Variants in PPP4R1 observed in about 807,000 individuals in gnomAD.
The protein encoded by PPP4R1 is protein phosphatase 4 regulatory subunit 1, also known as serine/threonine-protein phosphatase 4 regulatory subunit 1.
Under a neutral mutation model 111.2 loss-of-function variants are expected in PPP4R1, and 42 were observed. The ratio of observed to expected loss-of-function variants is 0.38; its 90% confidence interval spans 0.29 to 0.49. The LOEUF is 0.49. Among genes scored for constraint, PPP4R1 ranks in the 20% least tolerant of loss-of-function variants. The probability of loss-of-function intolerance (pLI) is 0.97; values close to 1 mark genes in which losing one functional copy is unlikely to be tolerated. For missense variants in PPP4R1, 1,012 were observed against 1,161.6 expected (o/e 0.87, Z 1.87); for synonymous variants, 409 against 405.5 (o/e 1.01, Z -0.10).
chr18:9,590,216 G>A (rs1028669244), intron 4 of PPP4R1: 1 of 152,086 alleles, frequency 6.6e-6, no homozygotes, highest in African/African-American at 2.4e-5. Flanking sequence ...TGTCTACTAG[G>A]ATTTCAGATA....
intron 11 of PPP4R1, among the ~76,000 whole-genome samples, chr18:9,564,738 G>GT (rs67103985): frequency 0.25 from 3,067 of 12,470 alleles, 76 homozygotes; most frequent in East Asian, 0.41. Context: ...GTGTGTGTGT[G>GT]GGGGTATCAT....
intron 12 of PPP4R1, 66 bp downstream of exon 12, chr18:9,563,312 T>C: frequency 6.9e-7 from 1 of 1,459,630 alleles, no homozygotes; most frequent in South Asian, 1.3e-5. Context: ...GCTACAACTA[T>C]TCCCCAATGA....
Position 9,563,463 on chromosome 18 carries a change from A to C in PPP4R1, c.1661T>G (p.Leu554Trp). 2 of 1,608,486 alleles carry C rather than the reference A, an allele frequency of 1.2e-6. No individual in the cohort carries two copies. Among genetic ancestry groups the C allele is most frequent in the South Asian group, 2.2e-5 (2 of 90,962 alleles). ...CTCATTTATATCCAGTTCATCTTGC[A>C]AATCACTTCTCTTTTCTATACTGAT... ...ETISIEKRSD[L>W]QDELDINELP... Residue 554 changes from leucine (L) to tryptophan (W), a missense_variant, in exon 12 of 20, where the codon TTG becomes TGG. Leu to Trp is a moderately conservative substitution (Grantham distance 61). This residue lies in a region of PPP4R1 where 707 missense variants were observed against 742.1 expected (regional missense o/e 0.95). Transcript: ENST00000400556.
intron 15 of PPP4R1, among the ~76,000 whole-genome samples, chr18:9,553,824 TTCAG>T (rs1568083849): frequency 2.0e-5 from 3 of 152,336 alleles, no homozygotes; most frequent in South Asian, 2.1e-4. Flanking sequence ...AGAGTAGGCA[TTCAG>T]TATTTGTTGA....
intron 11 of PPP4R1, among the ~76,000 whole-genome samples, chr18:9,569,256 G>T (rs1232285167): frequency 2.7e-5 from 4 of 150,588 alleles, no homozygotes; most frequent in Non-Finnish European, 4.4e-5. Flanking sequence ...ATAAACTTAA[G>T]TTGGTAAATA....
chr18:9,555,873 A>T (rs549644305), intron 15 of PPP4R1, among the ~76,000 whole-genome samples: 1 of 152,134 alleles, frequency 6.6e-6, no homozygotes, highest in South Asian at 2.1e-4. Context: ...ATGGTGGCTC[A>T]CGCCTGTAAT....
At chr18:9,613,251 C>G (rs981940080) in intron 2 of PPP4R1, among the ~76,000 whole-genome samples, 1 of 152,206 alleles carries the variant, frequency 6.6e-6, no homozygotes, top group Non-Finnish European at 1.5e-5. Context: ...TAAAATGCAT[C>G]TCAAAACCTA....
chr18:9,555,875 G>A lies in PPP4R1; in HGVS notation c.2190+1346C>T, dbSNP rs189136203. 1.5e-3 allele frequency among the ~76,000 whole-genome samples: 231 copies of A among 152,070 alleles called. 1 individual carries two copies. Among genetic ancestry groups the A allele is most frequent in the African/African-American group, 5.0e-3 (206 of 41,496 alleles). Reference sequence around the variant, plus strand: ...TTTTAGGCCAGGCATGGTGGCTCACGCCTGTAATCCCAGCACTTTGGGAGG... The same window carrying A: ...TTTTAGGCCAGGCATGGTGGCTCACACCTGTAATCCCAGCACTTTGGGAGG... On this transcript the variant is annotated intron_variant, in intron 15 of 19. Coordinates refer to ENST00000400556, the MANE Select transcript of PPP4R1 (RefSeq NM_001042388.3).
In PPP4R1 at chr18:9,546,976, G is replaced by A. The variant is rs368836250; in HGVS notation, c.*813C>T. On this transcript the variant is annotated 3_prime_UTR_variant, in exon 20 of 20. Coordinates refer to ENST00000400556, the MANE Select transcript of PPP4R1 (RefSeq NM_001042388.3). ...TGTGCCACAACAGTTTAAACAGCAT[G>A]ATTAAAGACTGCAGCACTCCCAAGA... 9.2e-5 allele frequency: 14 copies of A among 152,324 alleles called. No homozygotes were observed. Among genetic ancestry groups the A allele is most frequent in the African/African-American group, 3.1e-4 (13 of 41,418 alleles). The allele number at this position is 152,324 out of a possible 1,614,324, so 9.4% of individuals were successfully genotyped here. A position where few individuals can be genotyped will look rare whatever the true frequency, so the allele number is the denominator to read the frequency against.
intron 2 of PPP4R1, among the ~76,000 whole-genome samples, chr18:9,600,248 A>G (rs937648500): frequency 6.6e-6 from 1 of 151,580 alleles, no homozygotes; most frequent in Non-Finnish European, 1.5e-5. Context: ...TCTCTGAAAC[A>G]CACTAGAAGG....
chr18:9,571,046 C>G lies in PPP4R1; in HGVS notation c.1047-363G>C, dbSNP rs185418112. ...ACAATCATTTTAAGATACATAACAA[C>G]ATTTAAATTATTTTATTTTTAGGGT... On this transcript the variant is annotated intron_variant, in intron 10 of 19. Coordinates refer to ENST00000400556, the MANE Select transcript of PPP4R1 (RefSeq NM_001042388.3). Among the ~76,000 whole-genome samples, 617 of 152,244 alleles carry G rather than the reference C, an allele frequency of 4.1e-3. 25 individuals are homozygous for G. The highest frequency in any genetic ancestry group is 0.038 in the Admixed American group (580 of 15,288).
chr18:9,583,676 T>C (rs996512410), intron 8 of PPP4R1, among the ~76,000 whole-genome samples: 3 of 152,172 alleles, frequency 2.0e-5, no homozygotes, highest in African/African-American at 7.2e-5. Flanking sequence ...CTCAGTGTTT[T>C]AAATGTTGGA....
At chr18:9,558,700 T>C (rs66538018) in intron 14 of PPP4R1, among the ~76,000 whole-genome samples, 7 of 6,176 alleles carry the variant, frequency 1.1e-3, no homozygotes, top group South Asian at 3.6e-3. Flanking sequence ...AATCAGACTG[T>C]TTTTTTTTTT....
At chr18:9,549,784 T>TA in intron 18 of PPP4R1, 1 of 565,112 alleles carries the variant, frequency 1.8e-6, no homozygotes, top group South Asian at 2.1e-5. Flanking sequence ...AACACGCACA[T>TA]ACCAGGCATG....
intron 11 of PPP4R1, 127 bp from the exon 12 acceptor site, chr18:9,563,677 C>T: frequency 1.1e-6 from 1 of 895,822 alleles, no homozygotes; most frequent in Middle Eastern, 2.7e-4. Context: ...AATCAAAAAG[C>T]TGGAAAAAAA....
intron 2 of PPP4R1, chr18:9,613,886 C>T (rs555948355): frequency 5.7e-6 from 1 of 176,040 alleles, no homozygotes; most frequent in East Asian, 1.4e-4. Flanking sequence ...GAAACACACC[C>T]AAACCCCACT....
intron 4 of PPP4R1, among the ~76,000 whole-genome samples, chr18:9,591,867 G>C (rs548797041): frequency 8.7e-4 from 133 of 152,236 alleles, no homozygotes; most frequent in Middle Eastern, 3.4e-3. Flanking sequence ...AGAAGTTCCA[G>C]ACCAGCCTGG....
intron 11 of PPP4R1, among the ~76,000 whole-genome samples, chr18:9,565,995 C>CTGCATCCCGGGTTCTAG (rs2066758752): frequency 6.6e-6 from 1 of 152,076 alleles, no homozygotes; most frequent in Non-Finnish European, 1.5e-5. Flanking sequence ...ACTGCAACCC[C>CTGCATCCCGGGTTCTAG]TGCATCCCGG....
rs2067148569 is a variant in PPP4R1 at position 9,588,001 on chromosome 18, G to A, written c.585+88C>T. 6 of 1,486,202 alleles carry A rather than the reference G, an allele frequency of 4.0e-6. No individual in the cohort carries two copies. In the Admixed American group the frequency reaches 9.6e-5, roughly 24 times the overall value. The allele number at this position is 1,486,202 out of a possible 1,614,324, so 92.1% of individuals were successfully genotyped here. A position where few individuals can be genotyped will look rare whatever the true frequency, so the allele number is the denominator to read the frequency against. On this transcript the variant is annotated intron_variant, in intron 6 of 19. Transcript: ENST00000400556. Reference sequence around the variant, plus strand: ...CAAAGTGCTGGAATTACAGGCATGAGCCACCGTGCCTAACCCCGGCCTGAC... The same window carrying A: ...CAAAGTGCTGGAATTACAGGCATGAACCACCGTGCCTAACCCCGGCCTGAC...
Sources: allele counts gnomAD v4.1 joint callset (sites outside exome capture counted in the v4.1 genomes callset), GRCh38; gene constraint gnomAD v4.1.1; regional missense constraint gnomAD v4.1.1; transcripts MANE v1.5; gene names NCBI Gene and HGNC (gene_info 2026-07-23, HGNC 2026-07-21).